The following MAGI2 variants were observed in gnomAD, a reference collection of about 807,000 sequenced individuals.
The protein encoded by MAGI2 is membrane-associated guanylate kinase, WW and PDZ domain-containing protein 2.
MAGI2 carries 35 observed loss-of-function variants against 133.3 expected under a neutral mutation model. The ratio of observed to expected loss-of-function variants is 0.26; its 90% CI spans 0.20 to 0.35. The LOEUF (loss-of-function observed/expected upper bound fraction) is 0.35, where lower values mean the gene tolerates loss of function less well. MAGI2 is among the 10% of genes least tolerant of loss of function. The pLI, the probability that MAGI2 is intolerant of heterozygous loss-of-function variation, is 1.00. For missense variants in MAGI2, 1,636 were observed against 1,863.4 expected (o/e 0.88, Z 2.25); for synonymous variants, 729 against 710.6 (o/e 1.03, Z -0.41).
intron 2 of MAGI2, among the ~76,000 whole-genome samples, chr7:78,948,933 G>A (rs1020698540): frequency 1.3e-5 from 2 of 151,884 alleles, no homozygotes; most frequent in Non-Finnish European, 2.9e-5. Flanking sequence ...CTCCTAAATT[G>A]TATACTGAAT....
In MAGI2 at chr7:78,161,667, T is replaced by TAAAAAAAAAAAAAAAAAAAAAAAAAA. The variant is rs71515391; in HGVS notation, c.2597-1395_2597-1394insTTTTTTTTTTTTTTTTTTTTTTTTTT. 6.0e-4 allele frequency among the ~76,000 whole-genome samples: 41 copies of TAAAAAAAAAAAAAAAAAAAAAAAAAA among 68,906 alleles called. 4 individuals are homozygous for TAAAAAAAAAAAAAAAAAAAAAAAAAA. The highest frequency in any genetic ancestry group is 2.7e-3 in the East Asian group (5 of 1,866). The allele number at this position is 68,906 out of a possible 152,430, so 45.2% of individuals were successfully genotyped here. A position where few individuals can be genotyped will look rare whatever the true frequency, so the allele number is the denominator to read the frequency against. ...AGAGACGTTTTGTTACATCGATACC[T>TAAAAAAAAAAAAAAAAAAAAAAAAAA]AAAAAAAAAAAAAAAAAAAAGAAAA... On this transcript the variant is annotated intron_variant, in intron 15 of 21. Transcript: ENST00000354212.
intron 20 of MAGI2, among the ~76,000 whole-genome samples, chr7:78,117,328 T>A (rs1819968437): frequency 6.6e-6 from 1 of 151,872 alleles, no homozygotes; most frequent in South Asian, 2.1e-4. Context: ...AAATGATACA[T>A]CATGAATAAA....
intron 10 of MAGI2, among the ~76,000 whole-genome samples, chr7:78,226,453 G>A (rs541954761): frequency 7.1e-4 from 108 of 152,212 alleles, no homozygotes; most frequent in African/African-American, 2.5e-3. Context: ...TGAGCCTTGA[G>A]ACCAATTTGG....
intron 1 of MAGI2, among the ~76,000 whole-genome samples, chr7:79,079,747 T>C (rs965682671): frequency 6.6e-6 from 1 of 152,142 alleles, no homozygotes; most frequent in East Asian, 1.9e-4. Flanking sequence ...AACATAACTA[T>C]AGATACTGAC....
At chr7:78,453,363 TG>T (rs1283780079) in intron 6 of MAGI2, among the ~76,000 whole-genome samples, 2 of 152,222 alleles carry the variant, frequency 1.3e-5, no homozygotes, top group African/African-American at 2.4e-5. Flanking sequence ...AGAAAGCAAC[TG>T]GAACAATTCT....
At chr7:78,659,117 G>A (rs887103039) in intron 2 of MAGI2, among the ~76,000 whole-genome samples, 2 of 152,088 alleles carry the variant, frequency 1.3e-5, no homozygotes, top group African/African-American at 4.8e-5. Context: ...ACCATACCAT[G>A]AAATACTAAT....
chr7:79,430,435 T>G (rs1847698203), intron 1 of MAGI2, among the ~76,000 whole-genome samples: 1 of 152,210 alleles, frequency 6.6e-6, no homozygotes, highest in Non-Finnish European at 1.5e-5. Flanking sequence ...GTTAAGTTCT[T>G]ATCAAGTCCT....
intron 21 of MAGI2, among the ~76,000 whole-genome samples, chr7:78,035,391 AG>A (rs1262921716): frequency 3.7e-5 from 5 of 136,934 alleles, no homozygotes; most frequent in Non-Finnish European, 8.2e-5. Flanking sequence ...AGAGAGCCTC[AG>A]GGCTCCAGCT....
intron 20 of MAGI2, among the ~76,000 whole-genome samples, chr7:78,124,341 G>A (rs17594541): frequency 0.052 from 7,895 of 152,258 alleles, 307 homozygotes; most frequent in Non-Finnish European, 0.078. Context: ...GCTAGATCAC[G>A]GGGAGGGCTG....
At position 78,133,005 on chromosome 7, in the gene MAGI2, C is replaced by T; in HGVS notation, c.3087G>A (p.Gln1029=). The T allele has an allele frequency of 6.2e-7, 1 of 1,607,506 alleles. No homozygotes were observed. Among genetic ancestry groups the T allele is most frequent in the Non-Finnish European group, 8.5e-7 (1 of 1,177,604 alleles). ...GACTCTGCTGTGCCAGGGGACTCTG[C>T]TGCGCCATGGGACTCTGCTTCTCTG... ...PSSEKQSPMA[Q]QSPLAQQSPL... The change falls in exon 18 of 22, where the codon CAG becomes CAA. Residue 1029 remains glutamine (Q), a synonymous_variant. Transcript: ENST00000354212.
intron 3 of MAGI2, among the ~76,000 whole-genome samples, chr7:78,597,110 G>C (rs1804689350): frequency 6.6e-6 from 1 of 152,176 alleles, no homozygotes; most frequent in African/African-American, 2.4e-5. Context: ...AGTAGGAATT[G>C]TTCCTAAGTT....
intron 1 of MAGI2, among the ~76,000 whole-genome samples, chr7:79,053,604 C>T (rs1433773709): frequency 6.6e-6 from 1 of 151,852 alleles, no homozygotes; most frequent in East Asian, 1.9e-4. Flanking sequence ...GGAATGTATC[C>T]TAAGTATTTA....
chr7:78,137,308 T>C (rs1822255371), intron 16 of MAGI2, among the ~76,000 whole-genome samples: 3 of 152,200 alleles, frequency 2.0e-5, no homozygotes, highest in Admixed American at 2.0e-4. Context: ...GAGTCTGTTT[T>C]TCGACAGTAA....
intron 1 of MAGI2, among the ~76,000 whole-genome samples, chr7:79,263,139 C>A (rs1222650175): frequency 6.6e-6 from 1 of 152,126 alleles, no homozygotes; most frequent in Non-Finnish European, 1.5e-5. Context: ...ATAATAACCA[C>A]AACAAAACAA....
chr7:79,384,696 C>T (rs944910195), intron 1 of MAGI2, among the ~76,000 whole-genome samples: 19 of 151,500 alleles, frequency 1.3e-4, no homozygotes, highest in African/African-American at 3.9e-4. Flanking sequence ...AAATTTTTTG[C>T]ATGACAATCA....
In MAGI2 at chr7:78,564,783, C is replaced by CTTTTTTTTTTTTTT. The variant is rs35069216; in HGVS notation, c.539-43152_539-43139dup. On this transcript the variant is annotated intron_variant, in intron 3 of 21. Transcript: ENST00000354212. ...TACTTCATCTCATCTCTTTGACATT[C>CTTTTTTTTTTTTTT]TTTTTTTTTTTTTTTTTTTTTTTTT... 4.0e-4 allele frequency among the ~76,000 whole-genome samples: 26 copies of CTTTTTTTTTTTTTT among 64,362 alleles called. 4 individuals are homozygous for CTTTTTTTTTTTTTT. Among genetic ancestry groups the CTTTTTTTTTTTTTT allele is most frequent in the Non-Finnish European group, 6.4e-4 (23 of 36,138 alleles). The allele number at this position is 64,362 out of a possible 152,430, so 42.2% of individuals were successfully genotyped here. A position where few individuals can be genotyped will look rare whatever the true frequency, so the allele number is the denominator to read the frequency against.
At chr7:78,914,314 TG>T (rs1798625355) in intron 2 of MAGI2, among the ~76,000 whole-genome samples, 1 of 152,156 alleles carries the variant, frequency 6.6e-6, no homozygotes, top group African/African-American at 2.4e-5. Flanking sequence ...CATTTCTAGG[TG>T]TTCAACTACA....
At position 78,496,430 on chromosome 7, in the gene MAGI2, C is replaced by A. The variant is rs369275578; in HGVS notation, c.965+5147G>T. Among the ~76,000 whole-genome samples, 16 of 152,160 alleles carry A rather than the reference C, an allele frequency of 1.1e-4. No homozygotes were observed. In the East Asian group the frequency reaches 1.3e-3, roughly 13 times the overall value. ...TTGTGTCACTAACTAAACTGACTCC[C>A]AAACAAAGAAGTAATTTAATGGGAT... On this transcript the variant is annotated intron_variant, in intron 5 of 21. Transcript: ENST00000354212.
chr7:78,355,113 G>A (rs1196433743), intron 7 of MAGI2, among the ~76,000 whole-genome samples: 8 of 152,168 alleles, frequency 5.3e-5, no homozygotes, highest in Admixed American at 5.2e-4. Context: ...ATTACTAGAA[G>A]ATCAAAGCTT....
Sources: allele counts gnomAD v4.1 joint callset (sites outside exome capture counted in the v4.1 genomes callset), GRCh38; gene constraint gnomAD v4.1.1; transcripts MANE v1.5; gene names NCBI Gene and HGNC (gene_info 2026-07-23, HGNC 2026-07-21).